GUCY1A2: variants seen among roughly 807,000 people sequenced by gnomAD.
GUCY1A2 encodes guanylate cyclase 1 soluble subunit alpha 2.
A neutral mutation model predicts 63.5 loss-of-function variants in GUCY1A2; 27 were observed. The observed-to-expected ratio is 0.43, with a 90% CI of 0.31 to 0.59. The LOEUF is 0.59. GUCY1A2 is among the 20% of genes least tolerant of loss of function. The probability of loss-of-function intolerance (pLI) is 0.11; values close to 1 mark genes in which losing one functional copy is unlikely to be tolerated. For missense variants in GUCY1A2, 768 were observed against 913.3 expected (o/e 0.84, Z 2.05); for synonymous variants, 364 against 343.5 (o/e 1.06, Z -0.66).
At chr11:106,873,306 A>G (rs1859705798) in intron 4 of GUCY1A2, among the ~76,000 whole-genome samples, 1 of 152,198 alleles carries the variant, frequency 6.6e-6, no homozygotes, top group Non-Finnish European at 1.5e-5. Flanking sequence ...TGCTGGGTCA[A>G]ATGGTACTTC....
intron 4 of GUCY1A2, among the ~76,000 whole-genome samples, chr11:106,816,676 A>G (rs1250141974): frequency 6.6e-6 from 1 of 151,876 alleles, no homozygotes; most frequent in Non-Finnish European, 1.5e-5. Context: ...GGTTTCTTTG[A>G]AAAAACATCA....
intron 3 of GUCY1A2, among the ~76,000 whole-genome samples, chr11:106,945,187 C>A (rs145944618): frequency 6.7e-6 from 1 of 149,612 alleles, no homozygotes; most frequent in African/African-American, 2.5e-5. Context: ...TAAAGAAGAT[C>A]TTTTAAGTTG....
Position 106,906,822 on chromosome 11 carries a change from A to G in GUCY1A2, c.1206+32638T>C, listed in dbSNP as rs1226890439. Among the ~76,000 whole-genome samples, 3 of 151,872 alleles carry G rather than the reference A, an allele frequency of 2.0e-5. No individual in the cohort carries two copies. In the Admixed American group the frequency reaches 2.0e-4, roughly 10 times the overall value. ...AAGCTGGAAACCAGCATTCTCAGCA[A>G]ACTAACACAAGAACAGAAAACCAAA... On this transcript the variant is annotated intron_variant, in intron 4 of 7. Coordinates refer to ENST00000526355, the MANE Select transcript of GUCY1A2 (RefSeq NM_000855.3).
intron 5 of GUCY1A2, among the ~76,000 whole-genome samples, chr11:106,794,991 A>C (rs995266342): frequency 6.6e-6 from 1 of 152,136 alleles, no homozygotes; most frequent in Admixed American, 6.6e-5. Flanking sequence ...ATTTACAACA[A>C]TTTTCCACAT....
intron 4 of GUCY1A2, among the ~76,000 whole-genome samples, chr11:106,904,304 A>G (rs1231646200): frequency 2.6e-5 from 4 of 152,154 alleles, no homozygotes; most frequent in East Asian, 1.9e-4. Flanking sequence ...AGTGTTTATC[A>G]TAAGAAGTTT....
chr11:106,807,928 T>G (rs754362918), intron 5 of GUCY1A2, among the ~76,000 whole-genome samples: 60 of 152,162 alleles, frequency 3.9e-4, no homozygotes, highest in Non-Finnish European at 6.8e-4. Context: ...TTGCTCAGGG[T>G]TCTCAAGCCT....
chr11:106,890,312 T>C (rs1287870833), intron 4 of GUCY1A2, among the ~76,000 whole-genome samples: 8 of 152,192 alleles, frequency 5.3e-5, no homozygotes, highest in Non-Finnish European at 1.0e-4. Context: ...CTAATTTAAG[T>C]AACTTCTCCT....
At chr11:106,918,379 C>A (rs1860396343) in intron 4 of GUCY1A2, among the ~76,000 whole-genome samples, 1 of 145,630 alleles carries the variant, frequency 6.9e-6, no homozygotes, top group Non-Finnish European at 1.5e-5. Context: ...TCTTTGAAAG[C>A]AAATATTTTA....
intron 4 of GUCY1A2, among the ~76,000 whole-genome samples, chr11:106,872,031 A>G (rs1215471271): frequency 6.6e-6 from 1 of 152,174 alleles, no homozygotes; most frequent in Non-Finnish European, 1.5e-5. Flanking sequence ...ATCAAAAGTT[A>G]GAATGAAAGT....
chr11:106,735,400 A>T (rs1863572139), intron 6 of GUCY1A2, among the ~76,000 whole-genome samples: 1 of 152,064 alleles, frequency 6.6e-6, no homozygotes, highest in African/African-American at 2.4e-5. Context: ...TGCAATAGTC[A>T]TCCTTCTGAG....
Position 106,708,541 on chromosome 11 carries a change from C to A in GUCY1A2, c.1962G>T (p.Arg654=). ...AAGTGGTTGGGCTGACATTGATGCG[C>A]CGAGGGTGACTTCCCGACTCGAATT... ...ASKFESGSHP[R]RINVSPTTYQ... The change falls in exon 7 of 8, where the codon CGG becomes CGT. Residue 654 remains arginine (R), a synonymous_variant. Transcript: ENST00000526355. The A allele has an allele frequency of 1.9e-6, 3 of 1,612,492 alleles. No homozygotes were observed. Among genetic ancestry groups the A allele is most frequent in the Non-Finnish European group, 2.5e-6 (3 of 1,179,112 alleles).
intron 7 of GUCY1A2, among the ~76,000 whole-genome samples, chr11:106,689,378 CCTT>C (rs968398864): frequency 3.9e-5 from 6 of 152,034 alleles, no homozygotes; most frequent in African/African-American, 1.4e-4. Flanking sequence ...AAACAAGTCT[CCTT>C]CTAACATTTC....
intron 4 of GUCY1A2, among the ~76,000 whole-genome samples, chr11:106,846,366 T>C (rs1039354709): frequency 1.3e-5 from 2 of 151,682 alleles, no homozygotes; most frequent in East Asian, 1.9e-4. Context: ...TTTTAACATC[T>C]TGCTAGTTTC....
intron 4 of GUCY1A2, among the ~76,000 whole-genome samples, chr11:106,894,703 AATATTTTTGAC>A (rs901603880): frequency 6.6e-6 from 1 of 152,164 alleles, no homozygotes; most frequent in Non-Finnish European, 1.5e-5. Context: ...AAAATATAAA[AATATTTTTGAC>A]TAAATAAAAA....
chr11:106,711,059 A>G (rs1045675682), intron 6 of GUCY1A2, among the ~76,000 whole-genome samples: 11 of 152,178 alleles, frequency 7.2e-5, no homozygotes, highest in African/African-American at 2.4e-4. Context: ...AATTTATTTG[A>G]AAATTCAGTA....
intron 6 of GUCY1A2, among the ~76,000 whole-genome samples, chr11:106,757,596 ACAGT>A (rs1473133758): frequency 6.6e-6 from 1 of 152,046 alleles, no homozygotes; most frequent in Non-Finnish European, 1.5e-5. Context: ...TTTCCTTCTA[ACAGT>A]CAGGCCCCTC....
At chr11:106,781,761 T>C (rs1591274486) in intron 5 of GUCY1A2, among the ~76,000 whole-genome samples, 1 of 151,384 alleles carries the variant, frequency 6.6e-6, no homozygotes, top group South Asian at 2.1e-4. Flanking sequence ...AGAGACAGGG[T>C]TTCACCATGT....
chr11:106,727,553 T>C (rs1026319984), intron 6 of GUCY1A2, among the ~76,000 whole-genome samples: 2 of 152,138 alleles, frequency 1.3e-5, no homozygotes, highest in Admixed American at 1.3e-4. Flanking sequence ...TTCAATCTAC[T>C]AAACACAGTA....
At chr11:106,932,686 A>G (rs1424578648) in intron 4 of GUCY1A2, among the ~76,000 whole-genome samples, 1 of 152,222 alleles carries the variant, frequency 6.6e-6, no homozygotes, top group East Asian at 1.9e-4. Context: ...CAAAAAGAAC[A>G]AAGCCAGAGG....
Sources: gnomAD v4.1 joint callset for allele counts (sites outside exome capture counted in the v4.1 genomes callset) on GRCh38, gnomAD v4.1.1 for gene constraint, MANE v1.5 for transcripts, NCBI Gene and HGNC (gene_info 2026-07-23, HGNC 2026-07-21) for gene names.